PAN3: variants seen among roughly 807,000 people sequenced by gnomAD.
PAN3 encodes poly(A) specific ribonuclease subunit PAN3, also known as PAN2-PAN3 deadenylation complex subunit PAN3.
Under a neutral mutation model 96.2 loss-of-function variants are expected in PAN3, and 19 were observed. The ratio of observed to expected loss-of-function variants is 0.20; its 90% CI spans 0.14 to 0.29. PAN3 has a LOEUF of 0.29. Among genes scored for constraint, PAN3 ranks in the 10% least tolerant of loss-of-function variants. The pLI, the probability that PAN3 is intolerant of heterozygous loss-of-function variation, is 1.00. For missense variants in PAN3, 882 were observed against 1,108.1 expected (o/e 0.80, Z 2.90); for synonymous variants, 433 against 406.6 (o/e 1.06, Z -0.78).
At chr13:28,216,815 A>T in intron 5 of PAN3, among the ~76,000 whole-genome samples, 1 of 132,914 alleles carries the variant, frequency 7.5e-6, no homozygotes, top group African/African-American at 3.7e-5. Flanking sequence ...CTTTCCATCT[A>T]ATTAAAAAAA....
chr13:28,224,107 G>A (rs768430177), intron 6 of PAN3, among the ~76,000 whole-genome samples: 1 of 151,922 alleles, frequency 6.6e-6, no homozygotes, highest in African/African-American at 2.4e-5. Context: ...TCCTGACTTC[G>A]TGGTCTGCCC....
At chr13:28,142,598 G>GT (rs751535224) in intron 1 of PAN3, among the ~76,000 whole-genome samples, 2 of 150,264 alleles carry the variant, frequency 1.3e-5, no homozygotes, top group Non-Finnish European at 2.9e-5. Context: ...TAGAGATGAG[G>GT]TTTCCCCATG....
chr13:28,138,441 A>C, upstream of PAN3: 34 of 277,780 alleles, frequency 1.2e-4, no homozygotes, highest in Middle Eastern at 9.6e-4. Flanking sequence ...GAGTGAGAGA[A>C]TCCCAACTCT....
At chr13:28,202,722 T>C (rs2138265882) in intron 5 of PAN3, among the ~76,000 whole-genome samples, 1 of 152,290 alleles carries the variant, frequency 6.6e-6, no homozygotes, top group Non-Finnish European at 1.5e-5. Flanking sequence ...ATTTGGTGTT[T>C]TACAGTTACT....
chr13:28,221,980 G>A (rs941314092), intron 6 of PAN3, among the ~76,000 whole-genome samples: 7 of 152,088 alleles, frequency 4.6e-5, no homozygotes, highest in Non-Finnish European at 8.8e-5. Context: ...CAAAGCATCC[G>A]CAATAATGGG....
intron 1 of PAN3, among the ~76,000 whole-genome samples, chr13:28,160,391 C>T (rs547968410): frequency 3.9e-5 from 6 of 152,234 alleles, no homozygotes; most frequent in East Asian, 1.9e-4. Context: ...TTAGAGGGGG[C>T]ACATTTTAGA....
At chr13:28,190,716 T>C (rs1877136564) in intron 4 of PAN3, among the ~76,000 whole-genome samples, 3 of 152,176 alleles carry the variant, frequency 2.0e-5, no homozygotes, top group African/African-American at 7.2e-5. Flanking sequence ...AGAATCATGG[T>C]AAGTGATAAA....
At chr13:28,154,381 T>A (rs1350282551) in intron 1 of PAN3, among the ~76,000 whole-genome samples, 1 of 152,058 alleles carries the variant, frequency 6.6e-6, no homozygotes, top group Non-Finnish European at 1.5e-5. Context: ...TGTTTCGGGA[T>A]TTTTTGGTTT....
chr13:28,196,800 G>C (rs1382689496), intron 4 of PAN3, among the ~76,000 whole-genome samples: 1 of 152,140 alleles, frequency 6.6e-6, no homozygotes, highest in Admixed American at 6.5e-5. Context: ...TGTATTCTGT[G>C]TCCTTGAAAC....
chr13:28,258,561 G>A (rs1013651958), intron 7 of PAN3, among the ~76,000 whole-genome samples: 7 of 152,140 alleles, frequency 4.6e-5, no homozygotes, highest in Non-Finnish European at 7.4e-5. Context: ...GAGTAGGTTT[G>A]AATAACACTT....
At position 28,176,506 on chromosome 13, in the gene PAN3, G is replaced by C. The variant is rs1450890886; in HGVS notation, c.566G>C (p.Ser189Thr). The C allele has an allele frequency of 1.9e-6, 3 of 1,613,734 alleles. No homozygotes were observed. Among genetic ancestry groups the C allele is most frequent in the Admixed American group, 3.3e-5 (2 of 60,022 alleles). The change falls in exon 3 of 19, where the codon AGT becomes ACT. Residue 189 changes from serine (S) to threonine (T), a missense_variant. By Grantham distance (58) the Ser-to-Thr change is moderately conservative (BLOSUM62 1). Transcript: ENST00000380958. Reference sequence around the variant, plus strand: ...TTTGTTTTTCAGAGAATGACTAATAGTAGCAGCTCCCCAAGCCTTCTAAAT... The same window carrying C: ...TTTGTTTTTCAGAGAATGACTAATACTAGCAGCTCCCCAAGCCTTCTAAAT... ...KYPLMQRMTNSSSSPSLLNDS... is the reference protein window; with the variant it reads ...KYPLMQRMTNTSSSPSLLNDS...
chr13:28,175,012 G>A (rs1874779548), intron 2 of PAN3, among the ~76,000 whole-genome samples: 1 of 151,736 alleles, frequency 6.6e-6, no homozygotes, highest in Admixed American at 6.6e-5. Context: ...TCATATGACT[G>A]CATGCAATGC....
chr13:28,192,228 C>A (rs1019581877), intron 4 of PAN3, among the ~76,000 whole-genome samples: 3 of 151,882 alleles, frequency 2.0e-5, no homozygotes, highest in Non-Finnish European at 4.4e-5. Context: ...TGCCACCACA[C>A]CCAGCTAATT....
chr13:28,268,193 G>T (rs1886345009), intron 12 of PAN3, among the ~76,000 whole-genome samples: 1 of 151,736 alleles, frequency 6.6e-6, no homozygotes, highest in South Asian at 2.1e-4. Flanking sequence ...ATCTTGCTTT[G>T]TTTTGTTTTT....
rs374822789 is a variant in PAN3 at position 28,256,452 on chromosome 13, G to A, written c.1161G>A (p.Pro387=). ...TSVNNPVSQT[P]SSGQVIQKET... is the part of the protein sequence containing the mutation. The stretch of plus-strand genomic sequence containing the variant: ...TTAATAATCCTGTTTCTCAGACTCC[G>A]TCTTCTGGTCAGGTGATCCAAAAGG... The change falls in exon 7 of 19, where the codon CCG becomes CCA. Residue 387 remains proline (P), a synonymous_variant. Coordinates refer to ENST00000380958, the MANE Select transcript of PAN3 (RefSeq NM_175854.8). 99 of 1,613,766 alleles carry A rather than the reference G, an allele frequency of 6.1e-5. No individual in the cohort carries two copies. Among genetic ancestry groups the A allele is most frequent in the Non-Finnish European group, 7.9e-5 (93 of 1,179,866 alleles).
intron 1 of PAN3, among the ~76,000 whole-genome samples, chr13:28,172,774 A>G (rs574776321): frequency 6.6e-6 from 1 of 152,292 alleles, no homozygotes; most frequent in East Asian, 1.9e-4. Context: ...TAATATAAAC[A>G]GAGTCAGCCA....
intron 1 of PAN3, among the ~76,000 whole-genome samples, chr13:28,139,935 TG>T (rs1869460721): frequency 6.6e-6 from 1 of 151,594 alleles, no homozygotes; most frequent in Admixed American, 6.6e-5. Context: ...TTCTTTTTCA[TG>T]TGTTGTTGTT....
At chr13:28,198,039 G>A (rs1231720716) in intron 5 of PAN3, among the ~76,000 whole-genome samples, 1 of 152,050 alleles carries the variant, frequency 6.6e-6, no homozygotes, top group Non-Finnish European at 1.5e-5. Context: ...CTGGGAGGCC[G>A]AGGAAGGCGT....
In PAN3 at chr13:28,218,118, A is replaced by G. The variant is rs545925452; in HGVS notation, c.853-2113A>G. On this transcript the variant is annotated intron_variant, in intron 5 of 18. Coordinates refer to ENST00000380958, the MANE Select transcript of PAN3 (RefSeq NM_175854.8). ...ATAGATTTTATAGTTTTAAAAAAAG[A>G]TTTATATTTTAAACCAGTAGAAGTT... Among the ~76,000 whole-genome samples, 8 of 152,170 alleles carry G rather than the reference A, an allele frequency of 5.3e-5. No homozygotes were observed. The East Asian group carries it at 1.5e-3, about 29-fold the overall frequency.
Sources: gnomAD v4.1 joint callset for allele counts (sites outside exome capture counted in the v4.1 genomes callset) on GRCh38, gnomAD v4.1.1 for gene constraint, MANE v1.5 for transcripts, NCBI Gene and HGNC (gene_info 2026-07-23, HGNC 2026-07-21) for gene names.